SDK2: variants seen among roughly 807,000 people sequenced by gnomAD.
SDK2 encodes the protein sidekick cell adhesion molecule 2.
SDK2 carries 105 observed loss-of-function variants against 253.9 expected under a neutral mutation model. That is an observed-to-expected ratio of 0.41 (90% CI 0.35 to 0.49). The LOEUF (loss-of-function observed/expected upper bound fraction) is 0.49, where lower values mean the gene tolerates loss of function less well. Ranked by LOEUF, SDK2 falls within the 20% of genes least tolerant of loss-of-function variation. The probability of loss-of-function intolerance (pLI) is 0.06; values close to 1 mark genes in which losing one functional copy is unlikely to be tolerated. For missense variants in SDK2, 2,608 were observed against 3,003.0 expected, an observed-to-expected ratio of 0.87 and a Z score of 3.07; for synonymous variants, 1,249 against 1,234.9, an observed-to-expected ratio of 1.01 and a Z score of -0.24.
rs1037722148 is a variant in SDK2, at chr17:73,433,718, T to A, written c.1312+14A>T. On this transcript the variant is annotated intron_variant, in intron 10 of 44. Transcript: ENST00000392650. ...ATCACCCAGCCACACTCTCTGAAGG[T>A]GTGTTCCATCTACCTTTCTGCCAAG... 1 of 1,554,520 alleles carries A rather than the reference T, an allele frequency of 6.4e-7. No homozygotes were observed. Among genetic ancestry groups the A allele is most frequent in the East Asian group, 2.3e-5 (1 of 43,198 alleles).
chr17:73,612,036 G>C lies in SDK2; in HGVS notation c.64+31989C>G, dbSNP rs1472332394. Among the ~76,000 whole-genome samples, 2 of 152,200 alleles carry C rather than the reference G, an allele frequency of 1.3e-5. No individual in the cohort carries two copies. The highest frequency in any genetic ancestry group is 1.9e-4 in the East Asian group (1 of 5,200). On this transcript the variant is annotated intron_variant, in intron 1 of 44. Coordinates refer to ENST00000392650, the MANE Select transcript of SDK2 (RefSeq NM_001144952.2). The surrounding 1 kb of genome is among the most constrained non-coding windows in gnomAD (Gnocchi z 4.4). ...AGCCCACATTACCCATCAGCCGCCAGGGAAGTCTCCCCACAGTACAGTTGT... is the reference window on the plus strand; with the variant it reads ...AGCCCACATTACCCATCAGCCGCCACGGAAGTCTCCCCACAGTACAGTTGT...
chr17:73,420,335 G>A (rs758685943), intron 15 of SDK2, among the ~76,000 whole-genome samples: 2 of 152,160 alleles, frequency 1.3e-5, no homozygotes, highest in South Asian at 2.1e-4. Context: ...CATGCTGCTC[G>A]CTCCCGTGTT....
intron 2 of SDK2, among the ~76,000 whole-genome samples, chr17:73,494,420 G>A (rs1220158081): frequency 6.6e-6 from 1 of 152,070 alleles, no homozygotes; most frequent in African/African-American, 2.4e-5. Flanking sequence ...CAGGTCCAGC[G>A]AGGCCACACC....
At chr17:73,370,798 T>C (rs1473381720) in intron 36 of SDK2, among the ~76,000 whole-genome samples, 1 of 151,890 alleles carries the variant, frequency 6.6e-6, no homozygotes, top group Non-Finnish European at 1.5e-5. Context: ...GTGCAGCGGC[T>C]CACACCTGTA....
chr17:73,601,923 T>C (rs1464564329), intron 1 of SDK2, among the ~76,000 whole-genome samples: 1 of 152,080 alleles, frequency 6.6e-6, no homozygotes, highest in Non-Finnish European at 1.5e-5. Flanking sequence ...TTTGTATCTT[T>C]AGTAGAGATG....
chr17:73,484,518 G>A (rs1462776651), intron 2 of SDK2, among the ~76,000 whole-genome samples: 1 of 152,196 alleles, frequency 6.6e-6, no homozygotes, highest in Non-Finnish European at 1.5e-5. Context: ...GGCCCTACTT[G>A]TTTGAGGGAA....
At chr17:73,483,683 T>TGTG in intron 2 of SDK2, among the ~76,000 whole-genome samples, 1 of 41,554 alleles carries the variant, frequency 2.4e-5, no homozygotes, top group African/African-American at 1.0e-4. Flanking sequence ...ATATATATAT[T>TGTG]TATATATATA....
chr17:73,355,410 G>A (rs1036211669), intron 40 of SDK2, among the ~76,000 whole-genome samples: 3 of 151,354 alleles, frequency 2.0e-5, no homozygotes, highest in South Asian at 2.1e-4. Context: ...GCCGTGACAC[G>A]ATCTTGGCTC....
Position 73,455,837 on chromosome 17 carries a change from T to C in SDK2, c.479+69A>G. 6.8e-7 allele frequency: 1 copy of C among 1,467,872 alleles called. No individual in the cohort carries two copies. The highest frequency in any genetic ancestry group is 1.3e-5 in the South Asian group (1 of 75,922). 90.9% of individuals were successfully genotyped at this position (1,467,872 alleles called of 1,614,324 possible). On this transcript the variant is annotated intron_variant, in intron 4 of 44. Coordinates refer to ENST00000392650, the MANE Select transcript of SDK2 (RefSeq NM_001144952.2). This position sits in a 1 kb window ranked among gnomAD's most constrained non-coding sequence, Gnocchi z 5.0. The stretch of plus-strand genomic sequence containing the variant: ...CCCTCCTCCACACTCAAGGGAGACT[T>C]TATCTGGCCCCAAACCTCCTCCCCC...
chr17:73,457,276 T>C (rs868613666), intron 3 of SDK2, among the ~76,000 whole-genome samples: 15 of 35,838 alleles, frequency 4.2e-4, no homozygotes, highest in East Asian at 2.9e-3. Context: ...CCTTCCTTCC[T>C]TCCTTCCTTC....
At position 73,338,106 on chromosome 17, in the gene SDK2, A is replaced by T; in HGVS notation, c.*481T>A. 4.0e-6 allele frequency: 1 copy of T among 252,662 alleles called. No individual in the cohort carries two copies. Among genetic ancestry groups the T allele is most frequent in the Non-Finnish European group, 7.9e-6 (1 of 126,328 alleles). 15.7% of individuals were successfully genotyped at this position (252,662 alleles called of 1,614,324 possible). ...GGAAGGAGGAGCAGAGAGAGAAGAT[A>T]GGCGTGGCCTCCGGGATGCCCATTC... On this transcript the variant is annotated 3_prime_UTR_variant, in exon 45 of 45. Transcript: ENST00000392650. This position sits in a 1 kb window ranked among gnomAD's most constrained non-coding sequence, Gnocchi z 5.0.
At chr17:73,416,199 A>ATTTTTTTTTTTTTT (rs55713710) in intron 16 of SDK2, among the ~76,000 whole-genome samples, 1 of 120,316 alleles carries the variant, frequency 8.3e-6, no homozygotes, top group Non-Finnish European at 1.7e-5. Context: ...AATGAATTCA[A>ATTTTTTTTTTTTTT]TTTTTTTTTT....
chr17:73,560,037 C>T (rs2045208866), intron 1 of SDK2, among the ~76,000 whole-genome samples: 1 of 152,106 alleles, frequency 6.6e-6, no homozygotes, highest in Non-Finnish European at 1.5e-5. Context: ...GGTCTATGGC[C>T]CCAAGGGTCC....
At chr17:73,458,755 C>G (rs2063545580) in intron 3 of SDK2, among the ~76,000 whole-genome samples, 1 of 152,202 alleles carries the variant, frequency 6.6e-6, no homozygotes, top group Non-Finnish European at 1.5e-5. Context: ...CCTGTAATCC[C>G]AGCACTTTGG....
rs929265899 is a variant in SDK2, at chr17:73,618,309, C to T, written c.64+25716G>A. Among the ~76,000 whole-genome samples the T allele has an allele frequency of 6.6e-5, 10 of 152,164 alleles. No individual in the cohort carries two copies. Among genetic ancestry groups the T allele is most frequent in the Non-Finnish European group, 1.3e-4 (9 of 68,036 alleles). ...GCTTCTGGCTTGGGGCAGAAATGGC[C>T]GTTCATGCCAACTGGCCTCTCCCCA... On this transcript the variant is annotated intron_variant, in intron 1 of 44. Transcript: ENST00000392650. The surrounding 1 kb of genome is among the most constrained non-coding windows in gnomAD (Gnocchi z 4.1).
intron 1 of SDK2, among the ~76,000 whole-genome samples, chr17:73,564,860 A>G (rs2045289945): frequency 8.5e-5 from 13 of 152,072 alleles, no homozygotes; most frequent in Admixed American, 8.5e-4. Flanking sequence ...ACCCAAAACA[A>G]AAGACTAAAC....
At position 73,379,895 on chromosome 17, in the gene SDK2, C is replaced by A. The variant is rs2062816863; in HGVS notation, c.4763-346G>T. ...GGCATGCCTGGACATAGGGTCACCCCCTACCCCCAGCCTGTCCTCTTTCCC... is the reference window on the plus strand; with the variant it reads ...GGCATGCCTGGACATAGGGTCACCCACTACCCCCAGCCTGTCCTCTTTCCC... On this transcript the variant is annotated intron_variant, in intron 34 of 44. Transcript: ENST00000392650. This position sits in a 1 kb window ranked among gnomAD's most constrained non-coding sequence, Gnocchi z 4.5. 6.6e-6 allele frequency among the ~76,000 whole-genome samples: 1 copy of A among 152,128 alleles called. No individual in the cohort carries two copies. Among genetic ancestry groups the A allele is most frequent in the African/African-American group, 2.4e-5 (1 of 41,438 alleles).
rs2145356435 is a variant in SDK2 at position 73,336,881 on chromosome 17, C to T, written c.*1706G>A. ...TCTCAGCGGTGGGGCAGGTGTTGGGCTGGCCTTACAGGGCTGGCTGAGGGC... is the reference window on the plus strand; with the variant it reads ...TCTCAGCGGTGGGGCAGGTGTTGGGTTGGCCTTACAGGGCTGGCTGAGGGC... On this transcript the variant is annotated 3_prime_UTR_variant, in exon 45 of 45. Transcript: ENST00000392650. 3.3e-5 allele frequency: 5 copies of T among 151,990 alleles called. No homozygotes were observed. In the Middle Eastern group the frequency reaches 0.01, roughly 308 times the overall value. 9.4% of individuals were successfully genotyped at this position (151,990 alleles called of 1,614,324 possible).
intron 1 of SDK2, among the ~76,000 whole-genome samples, chr17:73,626,824 G>A (rs1021284804): frequency 6.6e-6 from 1 of 152,168 alleles, no homozygotes; most frequent in African/African-American, 2.4e-5. Flanking sequence ...GCTGGTCTTC[G>A]ATGTGGACCC....
Sources: allele counts gnomAD v4.1 joint callset (sites outside exome capture counted in the v4.1 genomes callset), GRCh38; gene constraint gnomAD v4.1.1; non-coding constraint Gnocchi (gnomAD v3.1); transcripts MANE v1.5; gene names NCBI Gene and HGNC (gene_info 2026-07-23, HGNC 2026-07-21).